ANKRD31: variants seen among roughly 807,000 people sequenced by gnomAD.
ANKRD31 encodes ankyrin repeat domain 31.
In ANKRD31, 147 loss-of-function variants were observed where a neutral mutation model predicts 186.0. The ratio of observed to expected loss-of-function variants is 0.79; its 90% CI spans 0.69 to 0.91. The LOEUF is 0.91. Ranked by LOEUF, ANKRD31 falls within the 40% of genes least tolerant of loss-of-function variation. ANKRD31 has a pLI of 0.00. For synonymous variants in ANKRD31, 673 were observed against 736.4 expected (o/e 0.91, Z 1.39); for missense variants, 1,986 against 2,148.8 (o/e 0.92, Z 1.50).
intron 12 of ANKRD31, among the ~76,000 whole-genome samples, chr5:75,152,090 G>C (rs1393912998): frequency 6.6e-6 from 1 of 152,044 alleles, no homozygotes; most frequent in South Asian, 2.1e-4. Flanking sequence ...GCTCTCTGAA[G>C]AGAGATACCA....
chr5:75,118,161 C>G lies in ANKRD31; in HGVS notation c.4013G>C (p.Arg1338Thr), dbSNP rs752238868. ...RSYGAIETVN[R>T]DESDAIVNEK... The stretch of plus-strand genomic sequence containing the variant: ...ATTGACTATAGCATCACTCTCATCT[C>G]TATTAACAGTCTCAATAGCACCATA... Residue 1338 changes from arginine (R) to threonine (T), a missense_variant, in exon 18 of 26, where the codon AGA becomes ACA. Coordinates refer to ENST00000506364, the MANE Select transcript of ANKRD31 (RefSeq NM_001372053.1). The G allele has an allele frequency of 1.1e-5, 16 of 1,508,410 alleles. No individual in the cohort carries two copies. Among genetic ancestry groups the G allele is most frequent in the Middle Eastern group, 3.4e-4 (2 of 5,820 alleles). The allele number at this position is 1,508,410 out of a possible 1,614,324, so 93.4% of individuals were successfully genotyped here.
At chr5:75,095,918 A>G (rs1260611103) in intron 22 of ANKRD31, among the ~76,000 whole-genome samples, 3 of 152,200 alleles carry the variant, frequency 2.0e-5, no homozygotes. Context: ...ACTACTATAT[A>G]GATCAAACAG....
intron 17 of ANKRD31, among the ~76,000 whole-genome samples, chr5:75,124,700 T>G (rs1749077549): frequency 6.6e-6 from 1 of 152,286 alleles, no homozygotes; most frequent in Admixed American, 6.5e-5. Context: ...ATCCATGTTG[T>G]TAAGTGAAAA....
intron 24 of ANKRD31, among the ~76,000 whole-genome samples, chr5:75,082,545 G>C (rs1305262252): frequency 6.6e-6 from 1 of 152,158 alleles, no homozygotes; most frequent in African/African-American, 2.4e-5. Context: ...AAAATCTGCT[G>C]CTCACTGGTG....
At chr5:75,081,617 CAGA>C (rs1187776214) in intron 24 of ANKRD31, among the ~76,000 whole-genome samples, 2 of 151,446 alleles carry the variant, frequency 1.3e-5, no homozygotes, top group Admixed American at 6.6e-5. Flanking sequence ...GGTTAGAAAC[CAGA>C]AGAAGAAAGC....
intron 9 of ANKRD31, 130 bp from the exon 10 acceptor site, chr5:75,188,778 G>T: frequency 1.4e-6 from 1 of 719,126 alleles, no homozygotes; most frequent in Non-Finnish European, 2.2e-6. Flanking sequence ...AGTCAATAGT[G>T]TAGAAGTGAA....
chr5:75,230,456 A>T (rs1360278652), intron 2 of ANKRD31, 106 bp downstream of exon 2: 5 of 806,038 alleles, frequency 6.2e-6, no homozygotes, highest in Non-Finnish European at 9.2e-6. Flanking sequence ...GTTTCCTTAT[A>T]ATTCATTTTG....
intron 5 of ANKRD31, among the ~76,000 whole-genome samples, chr5:75,203,092 A>G (rs1418572188): frequency 6.6e-6 from 1 of 152,186 alleles, no homozygotes; most frequent in African/African-American, 2.4e-5. Flanking sequence ...GACTATAGGC[A>G]TGCACTACCT....
At chr5:75,172,564 C>G in intron 10 of ANKRD31, among the ~76,000 whole-genome samples, 1 of 151,898 alleles carries the variant, frequency 6.6e-6, no homozygotes, top group East Asian at 1.9e-4. Flanking sequence ...ATATCACCAC[C>G]GATCCCACAG....
intron 10 of ANKRD31, among the ~76,000 whole-genome samples, chr5:75,186,750 C>T (rs553107188): frequency 2.1e-4 from 32 of 152,128 alleles, no homozygotes; most frequent in East Asian, 1.7e-3. Context: ...TATCATAAAA[C>T]GTAAATGAGG....
intron 10 of ANKRD31, among the ~76,000 whole-genome samples, chr5:75,171,411 A>T (rs1442203747): frequency 2.0e-5 from 3 of 151,984 alleles, no homozygotes; most frequent in Admixed American, 6.6e-5. Flanking sequence ...AAATATTTCA[A>T]ACTGAATTAC....
At position 75,080,658 on chromosome 5, in the gene ANKRD31, G is replaced by T; in HGVS notation, c.5576-19C>A. ...GCAACTTCTGAAAGTGAAACAAAAC[G>T]TTAGTAATAATTTTGCTGAATTAGG... On this transcript the variant is annotated intron_variant, in intron 24 of 25. Coordinates refer to ENST00000506364, the MANE Select transcript of ANKRD31 (RefSeq NM_001372053.1). The T allele has an allele frequency of 6.6e-7, 1 of 1,514,632 alleles. No homozygotes were observed. The highest frequency in any genetic ancestry group is 8.8e-7 in the Non-Finnish European group (1 of 1,135,040). 93.8% of individuals were successfully genotyped at this position (1,514,632 alleles called of 1,614,324 possible).
chr5:75,104,746 G>T lies in ANKRD31; in HGVS notation c.4813C>A (p.Gln1605Lys), dbSNP rs1407583335. Residue 1605 changes from glutamine to lysine, a missense_variant, in exon 22 of 26, where the codon CAA becomes AAA. Coordinates refer to ENST00000506364, the MANE Select transcript of ANKRD31 (RefSeq NM_001372053.1). ...GTTTGACCAATAAAAGCAACAGGTTGGGATGGTAATTTATTCTTCTCTGTG... is the reference window on the plus strand; with the variant it reads ...GTTTGACCAATAAAAGCAACAGGTTTGGATGGTAATTTATTCTTCTCTGTG... ...DGTEKNKLPS[Q>K]PVAFIGQTEY... is the part of the protein sequence containing the mutation. 1 of 1,537,194 alleles carries T rather than the reference G, an allele frequency of 6.5e-7. No homozygotes were observed. The highest frequency in any genetic ancestry group is 8.7e-7 in the Non-Finnish European group (1 of 1,146,896).
At chr5:75,118,573 T>A (rs1328649489) in intron 17 of ANKRD31, among the ~76,000 whole-genome samples, 1 of 152,182 alleles carries the variant, frequency 6.6e-6, no homozygotes, top group African/African-American at 2.4e-5. Flanking sequence ...CAGTTCTAGA[T>A]CGGTACTGCC....
Position 75,192,773 on chromosome 5 carries a change from C to A in ANKRD31, c.1302G>T (p.Met434Ile). 6.5e-7 allele frequency: 1 copy of A among 1,528,520 alleles called. No individual in the cohort carries two copies. The allele number at this position is 1,528,520 out of a possible 1,614,324, so 94.7% of individuals were successfully genotyped here. The change falls in exon 9 of 26, where the codon ATG becomes ATT. Residue 434 changes from methionine (M) to isoleucine (I), a missense_variant. Physicochemically the swap from Met to Ile is conservative, Grantham distance 10 (BLOSUM62 1). Coordinates refer to ENST00000506364, the MANE Select transcript of ANKRD31 (RefSeq NM_001372053.1). ...NNNSSAQNFRMQDPALMIDGK... is the reference protein window; with the variant it reads ...NNNSSAQNFRIQDPALMIDGK... ...CATCAATCATTAAAGCCGGATCCTG[C>A]ATTCTTGAAAAACAACGTATTTTTT...
intron 12 of ANKRD31, among the ~76,000 whole-genome samples, chr5:75,149,868 G>T (rs1393468592): frequency 6.6e-6 from 1 of 151,818 alleles, no homozygotes; most frequent in East Asian, 1.9e-4. Flanking sequence ...TAGAAAAATC[G>T]TATTTTCCAG....
intron 19 of ANKRD31, among the ~76,000 whole-genome samples, chr5:75,113,498 G>T (rs1187775740): frequency 4.6e-5 from 7 of 152,130 alleles, no homozygotes. Context: ...GCAGAAGCAT[G>T]CCTTTTATAT....
At chr5:75,126,966 T>A (rs1411014652) in intron 17 of ANKRD31, among the ~76,000 whole-genome samples, 1 of 152,166 alleles carries the variant, frequency 6.6e-6, no homozygotes, top group African/African-American at 2.4e-5. Flanking sequence ...GCAGATCAAC[T>A]GAGGTCAGGA....
intron 10 of ANKRD31, among the ~76,000 whole-genome samples, chr5:75,185,540 A>C (rs1317614029): frequency 6.6e-6 from 1 of 152,106 alleles, no homozygotes; most frequent in Non-Finnish European, 1.5e-5. Context: ...CCTGGCAACA[A>C]AGTGAGATTC....
Sources: gnomAD v4.1 joint callset for allele counts (sites outside exome capture counted in the v4.1 genomes callset) on GRCh38, gnomAD v4.1.1 for gene constraint, MANE v1.5 for transcripts, NCBI Gene and HGNC (gene_info 2026-07-23, HGNC 2026-07-21) for gene names.